STAG1: variants seen among roughly 807,000 people sequenced by gnomAD.
STAG1 encodes cohesin subunit SA-1.
A neutral mutation model predicts 170.9 loss-of-function variants in STAG1; 26 were observed. The ratio of observed to expected loss-of-function variants is 0.15; its 90% CI spans 0.11 to 0.21. The LOEUF is 0.21. Ranked by LOEUF, STAG1 falls within the 10% of genes least tolerant of loss-of-function variation. STAG1 has a pLI of 1.00. For synonymous variants in STAG1, 514 were observed against 497.7 expected (o/e 1.03, Z -0.44); for missense variants, 964 against 1,509.5 (o/e 0.64, Z 5.99).
chr3:136,705,438 G>C (rs1943203469), intron 1 of STAG1, among the ~76,000 whole-genome samples: 1 of 148,864 alleles, frequency 6.7e-6, no homozygotes. Context: ...GAAGTTCAAC[G>C]TATGATATTG....
chr3:136,700,498 C>T (rs1371774685), intron 1 of STAG1, among the ~76,000 whole-genome samples: 2 of 151,476 alleles, frequency 1.3e-5, no homozygotes, highest in African/African-American at 4.9e-5. Flanking sequence ...CTGCTCACCG[C>T]AACCTCCACC....
intron 10 of STAG1, 114 bp downstream of exon 10, chr3:136,477,175 A>T: frequency 8.3e-7 from 1 of 1,202,180 alleles, no homozygotes; most frequent in South Asian, 1.8e-5. Context: ...CATCATCTTA[A>T]AATTTCCACA....
intron 1 of STAG1, among the ~76,000 whole-genome samples, chr3:136,717,069 C>T (rs1355365278): frequency 1.3e-5 from 2 of 152,178 alleles, no homozygotes; most frequent in Non-Finnish European, 2.9e-5. Context: ...AACACTTAAT[C>T]GTTTTTGTCT....
intron 1 of STAG1, among the ~76,000 whole-genome samples, chr3:136,663,226 T>A (rs1274570814): frequency 1.3e-5 from 2 of 152,152 alleles, no homozygotes; most frequent in Admixed American, 1.3e-4. Flanking sequence ...ATGATGATGA[T>A]GTTGACAAAC....
At chr3:136,447,595 C>CTTT (rs1559806771) in intron 14 of STAG1, among the ~76,000 whole-genome samples, 1 of 121,410 alleles carries the variant, frequency 8.2e-6, no homozygotes, top group African/African-American at 3.2e-5. Context: ...AAAAGCATCA[C>CTTT]ATTTTTTTTT....
At chr3:136,505,570 T>C (rs977335136) in intron 7 of STAG1, among the ~76,000 whole-genome samples, 1 of 152,214 alleles carries the variant, frequency 6.6e-6, no homozygotes. Flanking sequence ...TAGTCATTCA[T>C]CATAGCTAAA....
In STAG1 at chr3:136,654,875, G is replaced by C. The variant is rs142006045; in HGVS notation, c.-83-23894C>G. Among the ~76,000 whole-genome samples the C allele has an allele frequency of 8.2e-4, 125 of 152,260 alleles. No homozygotes were observed. In the East Asian group the frequency reaches 0.02, roughly 25 times the overall value. ...GCATGGTAACATGATCTACAAGAAA[G>C]TTGCCAAGACTATTAATGGAGAAAG... is the stretch of plus-strand genomic sequence containing the variant. On this transcript the variant is annotated intron_variant, in intron 1 of 33. Coordinates refer to ENST00000383202, the MANE Select transcript of STAG1 (RefSeq NM_005862.3).
At chr3:136,668,694 T>C (rs2107873231) in intron 1 of STAG1, among the ~76,000 whole-genome samples, 1 of 152,104 alleles carries the variant, frequency 6.6e-6, no homozygotes, top group East Asian at 1.9e-4. Flanking sequence ...AGAAGCCCCA[T>C]GTTGAGCAGA....
chr3:136,445,944 G>A (rs1168966178), intron 14 of STAG1, among the ~76,000 whole-genome samples: 3 of 152,114 alleles, frequency 2.0e-5, no homozygotes, highest in Non-Finnish European at 4.4e-5. Flanking sequence ...AATCCCAAAT[G>A]ATAATCTGCA....
intron 15 of STAG1, among the ~76,000 whole-genome samples, chr3:136,438,240 C>CTTTTT (rs371190637): frequency 1.0e-4 from 13 of 128,182 alleles, no homozygotes; most frequent in Non-Finnish European, 1.3e-4. Context: ...AGTTTCTTTT[C>CTTTTT]TTTTTTTTTT....
chr3:136,715,543 C>G (rs1234897555), intron 1 of STAG1, among the ~76,000 whole-genome samples: 6 of 151,956 alleles, frequency 3.9e-5, no homozygotes, highest in East Asian at 2.0e-4. Flanking sequence ...TTTCTTGAAC[C>G]CGGGAGGCAG....
chr3:136,511,327 T>A (rs1001736673), intron 7 of STAG1, among the ~76,000 whole-genome samples: 4 of 152,176 alleles, frequency 2.6e-5, no homozygotes, highest in Admixed American at 2.6e-4. Context: ...AATCATTCTA[T>A]CATAAAGACA....
At chr3:136,354,159 C>G (rs1029616100) in intron 28 of STAG1, among the ~76,000 whole-genome samples, 1 of 152,034 alleles carries the variant, frequency 6.6e-6, no homozygotes, top group Non-Finnish European at 1.5e-5. Context: ...ATAATTATAA[C>G]AATTTATTAT....
intron 4 of STAG1, chr3:136,586,961 T>G (rs1314098711): frequency 4.4e-6 from 2 of 450,828 alleles, no homozygotes; most frequent in Admixed American, 2.4e-5. Flanking sequence ...TGGAGGGGCT[T>G]AGATTCCTGA....
intron 28 of STAG1, among the ~76,000 whole-genome samples, 176 bp downstream of exon 28, chr3:136,357,544 G>T (rs998181903): frequency 6.6e-6 from 1 of 152,102 alleles, no homozygotes; most frequent in Admixed American, 6.5e-5. Flanking sequence ...TAAAAGATAA[G>T]CAGTGAAATA....
chr3:136,518,133 A>G lies in STAG1; in HGVS notation c.676+3080T>C, dbSNP rs534287590. ...GACAACAGGGACACATATTGAATTCATAACAGGAAAATGGGATATTTGGAA... is the reference window on the plus strand; with the variant it reads ...GACAACAGGGACACATATTGAATTCGTAACAGGAAAATGGGATATTTGGAA... On this transcript the variant is annotated intron_variant, in intron 7 of 33. Transcript: ENST00000383202. 83 of 377,628 alleles carry G rather than the reference A, an allele frequency of 2.2e-4. No individual in the cohort carries two copies. The East Asian group carries it at 3.0e-3, about 14-fold the overall frequency. The allele number at this position is 377,628 out of a possible 1,614,324, so 23.4% of individuals were successfully genotyped here.
intron 1 of STAG1, among the ~76,000 whole-genome samples, chr3:136,700,586 AT>A (rs994387797): frequency 2.0e-5 from 3 of 151,486 alleles, no homozygotes; most frequent in Non-Finnish European, 4.4e-5. Context: ...CGCCCGGCCA[AT>A]TTTTTGTATT....
At chr3:136,379,866 T>G (rs1937852062) in intron 22 of STAG1, among the ~76,000 whole-genome samples, 2 of 152,350 alleles carry the variant, frequency 1.3e-5, no homozygotes, top group Admixed American at 1.3e-4. Context: ...GTTAAATCAT[T>G]TGAATATTGT....
chr3:136,688,271 CAA>C (rs1942604440), intron 1 of STAG1, among the ~76,000 whole-genome samples: 1 of 152,164 alleles, frequency 6.6e-6, no homozygotes, highest in Admixed American at 6.5e-5. Flanking sequence ...ATGAGACTGA[CAA>C]GAGTTCTTAT....
Sources: gnomAD v4.1 joint callset for allele counts (sites outside exome capture counted in the v4.1 genomes callset) on GRCh38, gnomAD v4.1.1 for gene constraint, MANE v1.5 for transcripts, NCBI Gene and HGNC (gene_info 2026-07-23, HGNC 2026-07-21) for gene names.